The following UBE2G1 variants were observed in gnomAD, a reference collection of about 807,000 sequenced individuals.
UBE2G1 encodes ubiquitin-conjugating enzyme E2 G1.
Under a neutral mutation model 22.7 loss-of-function variants are expected in UBE2G1, and 5 were observed. That is an observed-to-expected ratio of 0.22 (90% CI 0.12 to 0.46). The LOEUF (loss-of-function observed/expected upper bound fraction) is 0.46, where lower values mean the gene tolerates loss of function less well. Among genes scored for constraint, UBE2G1 ranks in the 20% least tolerant of loss-of-function variants. The pLI is 0.99. For missense variants in UBE2G1, 88 were observed against 203.9 expected (o/e 0.43, Z 3.46); for synonymous variants, 74 against 67.5 (o/e 1.10, Z -0.47).
intron 1 of UBE2G1, among the ~76,000 whole-genome samples, chr17:4,351,618 G>C (rs1477160054): frequency 1.3e-5 from 2 of 152,110 alleles, no homozygotes; most frequent in African/African-American, 4.8e-5. Flanking sequence ...AAATTATTCT[G>C]AGCTTTGTCA....
chr17:4,302,187 G>A (rs952791279), intron 2 of UBE2G1: 7 of 511,686 alleles, frequency 1.4e-5, no homozygotes, highest in African/African-American at 1.4e-4. Context: ...AGACAAATTT[G>A]GATTTTCTTT....
chr17:4,300,355 C>T (rs1400029681), intron 2 of UBE2G1, among the ~76,000 whole-genome samples: 1 of 151,338 alleles, frequency 6.6e-6, no homozygotes, highest in Non-Finnish European at 1.5e-5. Flanking sequence ...ACAACCTGAC[C>T]AATATGGTGA....
intron 1 of UBE2G1, among the ~76,000 whole-genome samples, chr17:4,310,817 A>T (rs1351086978): frequency 6.6e-6 from 1 of 152,148 alleles, no homozygotes; most frequent in Non-Finnish European, 1.5e-5. Flanking sequence ...TACCTCGAGT[A>T]TATAGTAGTC....
chr17:4,307,995 T>C (rs1210609597), intron 1 of UBE2G1, among the ~76,000 whole-genome samples: 1 of 152,160 alleles, frequency 6.6e-6, no homozygotes, highest in Non-Finnish European at 1.5e-5. Context: ...GAGCAGATCA[T>C]GTGAGAAATT....
intron 5 of UBE2G1, among the ~76,000 whole-genome samples, chr17:4,279,785 T>TTTTATATATA (rs1334257201): frequency 8.7e-5 from 6 of 68,852 alleles, no homozygotes; most frequent in African/African-American, 2.2e-4. Context: ...CAAAAAAAAG[T>TTTTATATATA]TATATATATA....
At chr17:4,290,520 GGA>G (rs1322361183) in intron 3 of UBE2G1, among the ~76,000 whole-genome samples, 1 of 152,146 alleles carries the variant, frequency 6.6e-6, no homozygotes, top group Non-Finnish European at 1.5e-5. Flanking sequence ...CACCCAGGCT[GGA>G]GTGTAGTGGT....
chr17:4,297,696 G>T (rs866035730), intron 2 of UBE2G1, among the ~76,000 whole-genome samples: 2 of 152,194 alleles, frequency 1.3e-5, no homozygotes, highest in Middle Eastern at 3.4e-3. Context: ...TTTGTCTTCT[G>T]ATTATCATTC....
intron 4 of UBE2G1, among the ~76,000 whole-genome samples, chr17:4,284,838 C>CTTTTTTTTTTTTTTTTTTTT (rs1176508350): frequency 4.5e-5 from 1 of 22,318 alleles, no homozygotes; most frequent in African/African-American, 9.3e-5. Flanking sequence ...TCTTTTCTTT[C>CTTTTTTTTTTTTTTTTTTTT]TTTTTTTTTT....
chr17:4,301,369 C>A, intron 2 of UBE2G1: 1 of 535,982 alleles, frequency 1.9e-6, no homozygotes, highest in Non-Finnish European at 3.5e-6. Context: ...GATGAGAAAG[C>A]ATGGGTGCTG....
chr17:4,269,270 A>G lies in UBE2G1; in HGVS notation c.*3284T>C, dbSNP rs1968721694. 6.6e-6 allele frequency: 1 copy of G among 152,588 alleles called. No individual in the cohort carries two copies. Among genetic ancestry groups the G allele is most frequent in the Non-Finnish European group, 1.5e-5 (1 of 68,046 alleles). 9.5% of individuals were successfully genotyped at this position (152,588 alleles called of 1,614,324 possible). On this transcript the variant is annotated 3_prime_UTR_variant, in exon 6 of 6. Coordinates refer to ENST00000396981, the MANE Select transcript of UBE2G1 (RefSeq NM_003342.5). ...AAAATAGCTCGTGATACAGCCTCTA[A>G]GTCATCATTTATTGATTTATAGAGC...
At chr17:4,359,314 T>C (rs538383596) in intron 1 of UBE2G1, among the ~76,000 whole-genome samples, 11 of 152,120 alleles carry the variant, frequency 7.2e-5, no homozygotes, top group East Asian at 5.8e-4. Flanking sequence ...CCCTAGCCAA[T>C]AGAAGAGTAA....
chr17:4,297,009 A>G (rs1049294536), intron 2 of UBE2G1, among the ~76,000 whole-genome samples, 195 bp from the exon 3 acceptor site: 2 of 152,234 alleles, frequency 1.3e-5, no homozygotes, highest in African/African-American at 4.8e-5. Context: ...CATTGATTAA[A>G]CTTTCAAGAG....
chr17:4,319,627 C>G (rs1431359560), intron 1 of UBE2G1, among the ~76,000 whole-genome samples: 2 of 151,800 alleles, frequency 1.3e-5, no homozygotes, highest in African/African-American at 2.4e-5. Context: ...GCCAGCCACT[C>G]AGGAGGCTAA....
intron 4 of UBE2G1, among the ~76,000 whole-genome samples, chr17:4,286,785 T>C (rs1327269705): frequency 6.6e-6 from 1 of 152,170 alleles, no homozygotes; most frequent in African/African-American, 2.4e-5. Flanking sequence ...CTCATGCCTG[T>C]AATCCCAGCA....
chr17:4,308,143 CGA>C (rs760434041), intron 1 of UBE2G1, among the ~76,000 whole-genome samples: 2 of 152,050 alleles, frequency 1.3e-5, no homozygotes, highest in African/African-American at 2.4e-5. Flanking sequence ...CACCTGAGGT[CGA>C]GAGTTTGAGA....
At chr17:4,312,695 C>CAAAAAAAAAAAAAAAAAAAAAAAAAA in intron 1 of UBE2G1, among the ~76,000 whole-genome samples, 1 of 76,884 alleles carries the variant, frequency 1.3e-5, no homozygotes, top group South Asian at 4.9e-4. Flanking sequence ...GACTCCATCT[C>CAAAAAAAAAAAAAAAAAAAAAAAAAA]AAAAAAAAAA....
intron 1 of UBE2G1, among the ~76,000 whole-genome samples, chr17:4,330,833 A>T (rs115510233): frequency 0.034 from 5,128 of 151,854 alleles, 326 homozygotes; most frequent in African/African-American, 0.12. Context: ...ACCTCAACAG[A>T]TCTACCCACC....
chr17:4,353,436 TAG>T (rs1435504982), intron 1 of UBE2G1, among the ~76,000 whole-genome samples: 6 of 148,734 alleles, frequency 4.0e-5, no homozygotes, highest in Admixed American at 1.4e-4. Flanking sequence ...CATATATATA[TAG>T]AGTTTCGTTG....
chr17:4,357,515 G>GGT (rs1307551002), intron 1 of UBE2G1, among the ~76,000 whole-genome samples: 1 of 76,944 alleles, frequency 1.3e-5, no homozygotes, highest in Non-Finnish European at 2.6e-5. Flanking sequence ...GTGTGGGGGG[G>GGT]GGGGGTGGGT....
Sources: allele counts gnomAD v4.1 joint callset (sites outside exome capture counted in the v4.1 genomes callset), GRCh38; gene constraint gnomAD v4.1.1; transcripts MANE v1.5; gene names NCBI Gene and HGNC (gene_info 2026-07-23, HGNC 2026-07-21).